The following ASS1 variants were observed in gnomAD, a reference collection of about 807,000 sequenced individuals.
ASS1 encodes argininosuccinate synthase.
A neutral mutation model predicts 60.5 loss-of-function variants in ASS1; 58 were observed. That is an observed-to-expected ratio of 0.96 (90% CI 0.78 to 1.19). ASS1 has a LOEUF of 1.19. Among genes scored for constraint, ASS1 ranks in the 50% most tolerant of loss-of-function variants. The pLI, the probability that ASS1 is intolerant of heterozygous loss-of-function variation, is 0.00. For missense variants in ASS1, 454 were observed against 547.3 expected (o/e 0.83, Z 1.70); for synonymous variants, 200 against 206.9 (o/e 0.97, Z 0.29).
chr9:130,473,370 G>T (rs1845920529), intron 8 of ASS1, among the ~76,000 whole-genome samples: 1 of 152,180 alleles, frequency 6.6e-6, no homozygotes, highest in African/African-American at 2.4e-5. Flanking sequence ...ATGGGAGGAA[G>T]GGTCCAAGGT....
intron 4 of ASS1, 139 bp from the exon 5 acceptor site, chr9:130,463,972 C>A (rs1007257903): frequency 1.7e-4 from 150 of 873,004 alleles, no homozygotes; most frequent in Non-Finnish European, 2.6e-4. Flanking sequence ...CATACACGAC[C>A]TACACTGCAT....
intron 7 of ASS1, 40 bp from the exon 8 acceptor site, chr9:130,471,445 C>T: frequency 6.2e-7 from 1 of 1,611,970 alleles, no homozygotes; most frequent in Non-Finnish European, 8.5e-7. Flanking sequence ...CATGCCATGT[C>T]CCTCCCCAGC....
At chr9:130,462,290 C>T (rs1845616605) in intron 4 of ASS1, among the ~76,000 whole-genome samples, 2 of 152,200 alleles carry the variant, frequency 1.3e-5, no homozygotes, top group African/African-American at 4.8e-5. Context: ...CCAGTGGGAC[C>T]GTGTTTACAT....
chr9:130,499,583 G>A lies in ASS1; in HGVS notation c.1193+13G>A. 6.2e-7 allele frequency: 1 copy of A among 1,610,148 alleles called. No homozygotes were observed. The highest frequency in any genetic ancestry group is 8.5e-7 in the Non-Finnish European group (1 of 1,177,844). ...TCAATTCCCTCAGGTGAGAAGCTCA[G>A]GGCCCTGACGGGCCTTCAGAGCCTC... On this transcript the variant is annotated intron_variant, in intron 14 of 14. Transcript: ENST00000352480.
At chr9:130,454,479 T>C in intron 3 of ASS1, 106 bp downstream of exon 3, 3 of 1,229,162 alleles carry the variant, frequency 2.4e-6, no homozygotes, top group African/African-American at 1.5e-5. Context: ...GTGTGTCTTC[T>C]TGCTTCTAAG....
intron 11 of ASS1, among the ~76,000 whole-genome samples, chr9:130,480,945 C>T (rs1321502771): frequency 1.3e-5 from 2 of 152,254 alleles, no homozygotes; most frequent in Admixed American, 1.3e-4. Context: ...GCTCACTGGC[C>T]CTTTTCTCCA....
In ASS1 at chr9:130,500,882, C is replaced by A. The variant is rs1165281440; in HGVS notation, c.1194-94C>A. On this transcript the variant is annotated intron_variant, in intron 14 of 14. Transcript: ENST00000352480. ...TCACACACATCTTAACAAACAGCTG[C>A]CCCAGCCACCCCAGCTCTGCCTGAA... 3 of 1,378,718 alleles carry A rather than the reference C, an allele frequency of 2.2e-6. No homozygotes were observed. In the Admixed American group the frequency reaches 5.3e-5, roughly 24 times the overall value. The allele number at this position is 1,378,718 out of a possible 1,614,324, so 85.4% of individuals were successfully genotyped here.
At chr9:130,483,780 C>CTTTCCTCCTCCCTCTCTCCG (rs1846231030) in intron 11 of ASS1, among the ~76,000 whole-genome samples, 3 of 151,870 alleles carry the variant, frequency 2.0e-5, no homozygotes, top group Non-Finnish European at 4.4e-5. Context: ...CCCTCTCTCC[C>CTTTCCTCCTCCCTCTCTCCG]TTTCCTCCTC....
intron 10 of ASS1, 108 bp downstream of exon 10, chr9:130,479,908 C>T (rs766040400): frequency 2.4e-6 from 3 of 1,257,504 alleles, no homozygotes; most frequent in Non-Finnish European, 3.5e-6. Context: ...GGGTGCGGAG[C>T]ACAGGCCATG....
At chr9:130,479,222 G>A (rs1429041661) in intron 9 of ASS1, among the ~76,000 whole-genome samples, 3 of 152,134 alleles carry the variant, frequency 2.0e-5, no homozygotes, top group East Asian at 3.9e-4. Flanking sequence ...AGATGGCTGC[G>A]TGTGGGTCTG....
intron 6 of ASS1, among the ~76,000 whole-genome samples, chr9:130,467,027 G>A (rs1845759307): frequency 6.6e-6 from 1 of 152,326 alleles, no homozygotes; most frequent in South Asian, 2.1e-4. Flanking sequence ...GCCGCTCTGA[G>A]GCCATTTCCC....
chr9:130,466,856 A>G, intron 6 of ASS1, 57 bp downstream of exon 6: 1 of 1,578,854 alleles, frequency 6.3e-7, no homozygotes, highest in South Asian at 1.1e-5. Flanking sequence ...CTTCCCGGGC[A>G]CGTCCCTGCT....
intron 8 of ASS1, among the ~76,000 whole-genome samples, chr9:130,474,709 T>G (rs554760830): frequency 3.9e-4 from 59 of 152,382 alleles, no homozygotes; most frequent in African/African-American, 1.2e-3. Context: ...GTGGCTGTGA[T>G]GCTGGCTGGC....
At position 130,471,463 on chromosome 9, in the gene ASS1, G is replaced by C. The variant is rs147147298; in HGVS notation, c.567-22G>C. 3,323 of 1,614,006 alleles carry C rather than the reference G, an allele frequency of 2.1e-3. 14 individuals are homozygous for C. The highest frequency in any genetic ancestry group is 1.8e-3 in the Non-Finnish European group (2,155 of 1,179,868). ...GCCATGTCCCTCCCCAGCTGACCCT[G>C]TCTTTCCTTTCCCCTCCGCAGCTAC... On this transcript the variant is annotated intron_variant, in intron 7 of 14. Transcript: ENST00000352480.
chr9:130,468,984 G>A (rs1845809430), intron 6 of ASS1, among the ~76,000 whole-genome samples: 1 of 152,224 alleles, frequency 6.6e-6, no homozygotes, highest in African/African-American at 2.4e-5. Context: ...CATTGTCATT[G>A]GCCCCTGTTG....
intron 2 of ASS1, among the ~76,000 whole-genome samples, chr9:130,453,675 G>A (rs971653290): frequency 2.0e-5 from 3 of 152,226 alleles, no homozygotes; most frequent in Non-Finnish European, 4.4e-5. Context: ...AGATTCCAGG[G>A]TCTGGTGAGC....
chr9:130,470,760 G>A lies in ASS1; in HGVS notation c.496-74G>A. 1.4e-6 allele frequency: 2 copies of A among 1,435,628 alleles called. No individual in the cohort carries two copies. The highest frequency in any genetic ancestry group is 3.3e-5 in the Admixed American group (2 of 59,812). 88.9% of individuals were successfully genotyped at this position (1,435,628 alleles called of 1,614,324 possible). ...CCAGAGTTTGGGGCTCTCTGAAAAA[G>A]CAGGGCCCCTGGGACGGACCTCACG... On this transcript the variant is annotated intron_variant, in intron 6 of 14. Coordinates refer to ENST00000352480, the MANE Select transcript of ASS1 (RefSeq NM_054012.4). The surrounding 1 kb of genome is among the most constrained non-coding windows in gnomAD (Gnocchi z 4.3).
chr9:130,465,979 C>T (rs987160196), intron 5 of ASS1, among the ~76,000 whole-genome samples: 6 of 152,180 alleles, frequency 3.9e-5, no homozygotes, highest in African/African-American at 1.4e-4. Flanking sequence ...CCAAGCTGCT[C>T]CAGGAGCTGG....
chr9:130,452,330 T>G lies in ASS1; in HGVS notation c.102T>G (p.Tyr34Ter). The change falls in exon 2 of 15, where the codon TAT (tyrosine) becomes TAG (stop). Residue 34 changes from tyrosine to a stop codon, truncating the protein, a stop_gained. Transcript: ENST00000352480. LOFTEE classifies it high-confidence loss of function. ...LKEQGYDVIA[Y>*]LANIGQKEDF... is the part of the protein sequence containing the mutation. ...AACAAGGCTATGACGTCATTGCCTA[T>G]CTGGTGAGGGAGCGACCTGGGTGTC... is the stretch of plus-strand genomic sequence containing the variant. The G allele has an allele frequency of 1.2e-6, 2 of 1,613,512 alleles. No homozygotes were observed. The highest frequency in any genetic ancestry group is 1.1e-5 in the South Asian group (1 of 91,066).
Sources: gnomAD v4.1 joint callset for allele counts (sites outside exome capture counted in the v4.1 genomes callset) on GRCh38, gnomAD v4.1.1 for gene constraint, Gnocchi (gnomAD v3.1) non-coding constraint, MANE v1.5 for transcripts, NCBI Gene and HGNC (gene_info 2026-07-23, HGNC 2026-07-21) for gene names.